UBE2D4: variants seen among roughly 807,000 people sequenced by gnomAD.
The protein encoded by UBE2D4 is ubiquitin conjugating enzyme E2 D4, also known as ubiquitin-conjugating enzyme E2 D4.
Under a neutral mutation model 23.0 loss-of-function variants are expected in UBE2D4, and 17 were observed. The ratio of observed to expected loss-of-function variants is 0.74; its 90% CI spans 0.51 to 1.11. UBE2D4 has a LOEUF of 1.11. Ranked by LOEUF, UBE2D4 falls within the 50% of genes least tolerant of loss-of-function variation. The pLI, the probability that UBE2D4 is intolerant of heterozygous loss-of-function variation, is 0.00. For missense variants in UBE2D4, 139 were observed against 181.8 expected, an observed-to-expected ratio of 0.76 and a Z score of 1.35; for synonymous variants, 61 against 69.4, an observed-to-expected ratio of 0.88 and a Z score of 0.60.
At chr7:43,950,490 G>C in intron 5 of UBE2D4, 109 bp from the exon 6 acceptor site, 1 of 805,516 alleles carries the variant, frequency 1.2e-6, no homozygotes. Flanking sequence ...CTGTTGAAGG[G>C]AAGACAACTG....
chr7:43,944,903 A>G lies in UBE2D4; in HGVS notation c.198+1872A>G, dbSNP rs1189313713. 1.3e-5 allele frequency: 2 copies of G among 152,184 alleles called. No homozygotes were observed. The highest frequency in any genetic ancestry group is 3.8e-4 in the East Asian group (2 of 5,208). The allele number at this position is 152,184 out of a possible 1,614,324, so 9.4% of individuals were successfully genotyped here. A position where few individuals can be genotyped will look rare whatever the true frequency, so the allele number is the denominator to read the frequency against. On this transcript the variant is annotated intron_variant, in intron 4 of 6. Transcript: ENST00000222402. This position sits in a 1 kb window ranked among gnomAD's most constrained non-coding sequence, Gnocchi z 4.0. ...GAGGATTTTCCTTAAACAGATACCAATGTAGTCCTGAATGTCTGTTGGGCA... is the reference window on the plus strand; with the variant it reads ...GAGGATTTTCCTTAAACAGATACCAGTGTAGTCCTGAATGTCTGTTGGGCA...
At chr7:43,930,856 C>T (rs2095943695) in intron 1 of UBE2D4, among the ~76,000 whole-genome samples, 1 of 152,042 alleles carries the variant, frequency 6.6e-6, no homozygotes, top group Non-Finnish European at 1.5e-5. Flanking sequence ...AAATACCTGG[C>T]CAGGCACAGT....
chr7:43,931,609 G>A (rs1367288160), intron 1 of UBE2D4, among the ~76,000 whole-genome samples: 9 of 135,486 alleles, frequency 6.6e-5, no homozygotes, highest in Non-Finnish European at 1.6e-5. Flanking sequence ...GCAAACCGGG[G>A]TGGGGGGGCG....
chr7:43,948,539 G>T, intron 4 of UBE2D4, 93 bp from the exon 5 acceptor site: 1 of 811,048 alleles, frequency 1.2e-6, no homozygotes. Flanking sequence ...GCACACTCCA[G>T]GTACTGCCCA....
intron 1 of UBE2D4, among the ~76,000 whole-genome samples, chr7:43,930,390 TA>T (rs1562596211): frequency 6.6e-6 from 1 of 152,152 alleles, no homozygotes; most frequent in African/African-American, 2.4e-5. Context: ...TTCAACCCTT[TA>T]AAAAAATGTT....
Position 43,948,750 on chromosome 7 carries a change from A to C in UBE2D4, c.304+13A>C. On this transcript the variant is annotated intron_variant, in intron 5 of 6. Transcript: ENST00000222402. Reference sequence around the variant, plus strand: ...ACTGTGTCAAAAGGTAGAGATGCTGATGGCATGCTCTGTGTGCTCTTTTAC... The same window carrying C: ...ACTGTGTCAAAAGGTAGAGATGCTGCTGGCATGCTCTGTGTGCTCTTTTAC... 6.3e-7 allele frequency: 1 copy of C among 1,577,276 alleles called. No individual in the cohort carries two copies. Among genetic ancestry groups the C allele is most frequent in the Non-Finnish European group, 8.7e-7 (1 of 1,146,850 alleles).
At chr7:43,936,036 C>A (rs2095957603) in intron 1 of UBE2D4, among the ~76,000 whole-genome samples, 1 of 152,164 alleles carries the variant, frequency 6.6e-6, no homozygotes, top group East Asian at 1.9e-4. Context: ...CCAAGCCCAG[C>A]TAAGTTTTGT....
chr7:43,944,527 GA>G lies in UBE2D4; in HGVS notation c.198+1498del, dbSNP rs1462376267. On this transcript the variant is annotated intron_variant, in intron 4 of 6. Transcript: ENST00000222402. This position sits in a 1 kb window ranked among gnomAD's most constrained non-coding sequence, Gnocchi z 4.0. ...GCATGTTGTTTATCTGAGTCAATGT[GA>G]AGAAGCCCCTTCTGTGCTCACCAGC... 1 of 152,236 alleles carries G rather than the reference GA, an allele frequency of 6.6e-6. No individual in the cohort carries two copies. The highest frequency in any genetic ancestry group is 1.5e-5 in the Non-Finnish European group (1 of 68,058). The allele number at this position is 152,236 out of a possible 1,614,324, so 9.4% of individuals were successfully genotyped here. A position where few individuals can be genotyped will look rare whatever the true frequency, so the allele number is the denominator to read the frequency against.
intron 4 of UBE2D4, among the ~76,000 whole-genome samples, chr7:43,945,672 CA>C (rs1352797560): frequency 3.3e-5 from 5 of 151,508 alleles, no homozygotes; most frequent in Admixed American, 2.6e-4. Flanking sequence ...CTATATCAAA[CA>C]TGCAAAAAAT....
At position 43,948,702 on chromosome 7, in the gene UBE2D4, G is replaced by T. The variant is rs766962108; in HGVS notation, c.269G>T (p.Arg90Leu). The T allele has an allele frequency of 1.2e-6, 2 of 1,613,544 alleles. No individual in the cohort carries two copies. The highest frequency in any genetic ancestry group is 1.3e-5 in the African/African-American group (1 of 74,864). The change falls in exon 5 of 7, where the codon CGG (arginine) becomes CTG (leucine). Residue 90 changes from arginine (R) to leucine (L), a missense_variant. Coordinates refer to ENST00000222402, the MANE Select transcript of UBE2D4 (RefSeq NM_015983.4). ...GGCAGCATCTGCCTTGATATCCTGC[G>T]GTCTCAGTGGTCTCCAGCGTTGACT... ...SNGSICLDIL[R>L]SQWSPALTVS...
intron 1 of UBE2D4, 26 bp from the exon 2 acceptor site, chr7:43,938,405 C>T: frequency 6.2e-7 from 1 of 1,611,896 alleles, no homozygotes; most frequent in Non-Finnish European, 8.5e-7. Context: ...CATACAGCAG[C>T]TCTGACCCAC....
intron 1 of UBE2D4, among the ~76,000 whole-genome samples, chr7:43,933,848 G>A (rs1189075589): frequency 6.6e-6 from 1 of 152,128 alleles, no homozygotes; most frequent in Admixed American, 6.6e-5. Context: ...CTGAAATTGG[G>A]ATGCTTCTTA....
chr7:43,952,997 C>T lies in UBE2D4; in HGVS notation c.*302C>T. 2 of 401,846 alleles carry T rather than the reference C, an allele frequency of 5.0e-6. No homozygotes were observed. Among genetic ancestry groups the T allele is most frequent in the Non-Finnish European group, 9.6e-6 (2 of 207,554 alleles). 24.9% of individuals were successfully genotyped at this position (401,846 alleles called of 1,614,324 possible). A position where few individuals can be genotyped will look rare whatever the true frequency, so the allele number is the denominator to read the frequency against. On this transcript the variant is annotated 3_prime_UTR_variant, in exon 7 of 7. Coordinates refer to ENST00000222402, the MANE Select transcript of UBE2D4 (RefSeq NM_015983.4). ...TTTGTCTGCTGGTCTCTTGGGGGGC[C>T]AGGCCCTGCACGTCTCTCCTACCCG...
rs934993441 is a variant in UBE2D4 at position 43,948,619 on chromosome 7, CTT to C, written c.199-12_199-11del. 4 of 1,575,266 alleles carry C rather than the reference CTT, an allele frequency of 2.5e-6. No individual in the cohort carries two copies. The highest frequency in any genetic ancestry group is 2.7e-5 in the African/African-American group (2 of 74,054). ...CTGTGGTTTGTCTGATTGGGGATCT[CTT>C]GTCTTTGCAGGTTGCTTTCACAACC... is the stretch of plus-strand genomic sequence containing the variant. On this transcript the variant is annotated splice_polypyrimidine_tract_variant and intron_variant, in intron 4 of 6. Transcript: ENST00000222402.
intron 6 of UBE2D4, 77 bp downstream of exon 6, chr7:43,950,769 G>A: frequency 8.4e-7 from 1 of 1,191,288 alleles, no homozygotes; most frequent in South Asian, 1.2e-5. Context: ...CTCTGAGCTG[G>A]TGCTTCTAGG....
At chr7:43,926,627 G>A (rs1377274190) in intron 1 of UBE2D4, 71 bp downstream of exon 1, 45 of 1,466,590 alleles carry the variant, frequency 3.1e-5, no homozygotes, top group Non-Finnish European at 3.7e-5. Flanking sequence ...CGCCGCTGCC[G>A]TGAAGTGAAA....
In UBE2D4 at chr7:43,943,006, C is replaced by T; in HGVS notation, c.173C>T (p.Thr58Ile). 6.2e-7 allele frequency: 1 copy of T among 1,614,202 alleles called. No individual in the cohort carries two copies. The highest frequency in any genetic ancestry group is 8.5e-7 in the Non-Finnish European group (1 of 1,180,044). Residue 58 changes from threonine to isoleucine, a missense_variant, in exon 4 of 7, where the codon ACA (threonine) becomes ATA (isoleucine). Physicochemically the swap from Thr to Ile is moderately conservative, Grantham distance 89. Transcript: ENST00000222402. ...TTCTTCCTGACCATCCACTTTCCTACAGATTACCCGTTCAAGCCCCCAAAG... is the reference window on the plus strand; with the variant it reads ...TTCTTCCTGACCATCCACTTTCCTATAGATTACCCGTTCAAGCCCCCAAAG... ...GVFFLTIHFP[T>I]DYPFKPPKVA... is the part of the protein sequence containing the mutation.
chr7:43,950,063 T>A (rs2095998446), intron 5 of UBE2D4, among the ~76,000 whole-genome samples: 1 of 151,542 alleles, frequency 6.6e-6, no homozygotes, highest in Non-Finnish European at 1.5e-5. Context: ...TCCATGTTGG[T>A]CAGGCTGGTC....
chr7:43,926,587 G>A, intron 1 of UBE2D4, 31 bp downstream of exon 1: 1 of 1,557,910 alleles, frequency 6.4e-7, no homozygotes, highest in African/African-American at 1.4e-5. Flanking sequence ...CAACTCTTTG[G>A]GTGTCCGAAG....
Sources: allele counts gnomAD v4.1 joint callset (sites outside exome capture counted in the v4.1 genomes callset), GRCh38; gene constraint gnomAD v4.1.1; non-coding constraint Gnocchi (gnomAD v3.1); transcripts MANE v1.5; gene names NCBI Gene and HGNC (gene_info 2026-07-23, HGNC 2026-07-21).